The following XPOT variants were observed in gnomAD, a reference collection of about 807,000 sequenced individuals.
XPOT encodes the protein exportin for tRNA.
A neutral mutation model predicts 128.2 loss-of-function variants in XPOT; 34 were observed. The observed-to-expected ratio is 0.27, with a 90% confidence interval of 0.20 to 0.35. The LOEUF (loss-of-function observed/expected upper bound fraction) is 0.35, where lower values mean the gene tolerates loss of function less well. XPOT is among the 10% of genes least tolerant of loss of function. The pLI, the probability that XPOT is intolerant of heterozygous loss-of-function variation, is 1.00. For synonymous variants in XPOT, 348 were observed against 394.3 expected (o/e 0.88, Z 1.39); for missense variants, 838 against 1,125.3 (o/e 0.74, Z 3.65).
intron 14 of XPOT, 81 bp from the exon 15 acceptor site, chr12:64,425,734 G>A (rs1056471458): frequency 2.6e-5 from 36 of 1,381,400 alleles, no homozygotes; most frequent in Non-Finnish European, 3.6e-5. Flanking sequence ...GTAAAATTTG[G>A]TGTGAACAAA....
intron 22 of XPOT, among the ~76,000 whole-genome samples, chr12:64,436,605 G>C (rs900555936): frequency 6.6e-6 from 1 of 151,238 alleles, no homozygotes; most frequent in Non-Finnish European, 1.5e-5. Context: ...TTTTGTGGTA[G>C]GTTCTCCCTG....
chr12:64,416,681 C>G lies in XPOT; in HGVS notation c.144-17C>G. ...GTTCATATTCTGCTTATCTCATTTT[C>G]TTTTTTTCTTTTTCAGTGATGATCA... On this transcript the variant is annotated splice_polypyrimidine_tract_variant and intron_variant, in intron 3 of 24. Coordinates refer to ENST00000332707, the MANE Select transcript of XPOT (RefSeq NM_007235.6). 6.2e-7 allele frequency: 1 copy of G among 1,603,594 alleles called. No homozygotes were observed. The highest frequency in any genetic ancestry group is 1.1e-5 in the South Asian group (1 of 90,558).
chr12:64,408,967 C>G (rs899177221), intron 1 of XPOT, among the ~76,000 whole-genome samples: 2 of 152,066 alleles, frequency 1.3e-5, no homozygotes, highest in Admixed American at 6.6e-5. Context: ...GCCACTGTAG[C>G]TGGCTGGTTT....
intron 22 of XPOT, among the ~76,000 whole-genome samples, chr12:64,438,614 G>A (rs1357260204): frequency 8.6e-5 from 13 of 151,452 alleles, no homozygotes; most frequent in Admixed American, 8.6e-4. Flanking sequence ...AGTACATCGA[G>A]GAGAGATACA....
intron 1 of XPOT, among the ~76,000 whole-genome samples, chr12:64,405,528 A>G (rs1245898927): frequency 2.0e-5 from 3 of 152,248 alleles, no homozygotes; most frequent in Non-Finnish European, 4.4e-5. Flanking sequence ...AGGAAAAGTT[A>G]AGGCTTAATA....
chr12:64,429,312 G>A (rs187097264), intron 16 of XPOT, among the ~76,000 whole-genome samples: 1 of 152,264 alleles, frequency 6.6e-6, no homozygotes, highest in African/African-American at 2.4e-5. Flanking sequence ...CCAACACTGA[G>A]GGCAGGTCTT....
intron 23 of XPOT, among the ~76,000 whole-genome samples, chr12:64,440,211 T>C (rs941628126): frequency 6.6e-6 from 1 of 152,222 alleles, no homozygotes; most frequent in Non-Finnish European, 1.5e-5. Context: ...CTAATATAAG[T>C]GGAATCATGC....
intron 23 of XPOT, chr12:64,443,395 A>G (rs9943713): frequency 0.9 from 136,620 of 152,246 alleles, 61,538 homozygotes; most frequent in Admixed American, 0.94. Flanking sequence ...TGGGTAGCAA[A>G]GACATTTTAA....
chr12:64,433,516 T>G lies in XPOT; in HGVS notation c.2365T>G (p.Leu789Val). 3 of 1,613,148 alleles carry G rather than the reference T, an allele frequency of 1.9e-6. No individual in the cohort carries two copies. Among genetic ancestry groups the G allele is most frequent in the Non-Finnish European group, 2.5e-6 (3 of 1,179,452 alleles). The change falls in exon 19 of 25, where the codon TTA (leucine) becomes GTA (valine). Residue 789 changes from leucine to valine, a missense_variant. By Grantham distance (32) the Leu-to-Val change is conservative. Transcript: ENST00000332707. ...AGAAGAAAATGACCAGTCTGCTGCT[T>G]TAGAGAAGCAGATGTTGCGGAGGAG... ...PAEENDQSAA[L>V]EKQMLRRSYF...
rs1362058918 is a variant in XPOT, at chr12:64,419,024, A to T, written c.419A>T (p.Asp140Val). ...SVVDLNPRGV[D>V]LYLRILMAID... ...GTGGACCTAAATCCAAGGGGAGTAG[A>T]TCTCTACCTGCGAATCCTCATGGCT... Residue 140 changes from aspartate to valine, a missense_variant, in exon 6 of 25, where the codon GAT becomes GTT. Physicochemically the swap from Asp to Val is radical, Grantham distance 152 (BLOSUM62 -3). Transcript: ENST00000332707. The T allele has an allele frequency of 6.2e-7, 1 of 1,614,088 alleles. No individual in the cohort carries two copies. The highest frequency in any genetic ancestry group is 1.1e-5 in the South Asian group (1 of 91,082).
At chr12:64,443,565 C>G (rs1565805184) in intron 23 of XPOT, among the ~76,000 whole-genome samples, 1 of 152,156 alleles carries the variant, frequency 6.6e-6, no homozygotes. Context: ...AGCAATTCTT[C>G]CACCTCAACC....
chr12:64,411,194 A>G (rs2040035792), intron 2 of XPOT, among the ~76,000 whole-genome samples: 1 of 152,192 alleles, frequency 6.6e-6, no homozygotes, highest in African/African-American at 2.4e-5. Context: ...TTTAAAATCC[A>G]TGTCTTCTGT....
rs2040181633 is a variant in XPOT, at chr12:64,425,345, C to T, written c.1460C>T (p.Thr487Ile). Residue 487 changes from threonine (T) to isoleucine (I), a missense_variant, in exon 14 of 25, where the codon ACA becomes ATA. Physicochemically the swap from Thr to Ile is moderately conservative, Grantham distance 89 (BLOSUM62 -1). This residue lies in a region of XPOT where 761 missense variants were observed against 988.3 expected (regional missense o/e 0.77). Coordinates refer to ENST00000332707, the MANE Select transcript of XPOT (RefSeq NM_007235.6). ...AACTTTTTCCTGATCTAGCTGGTAA[C>T]ATCAGGAGTCAGTTCCTATCAGCAT... ...ALQDMMRTLV[T>I]SGVSSYQHTS... 1 of 1,612,724 alleles carries T rather than the reference C, an allele frequency of 6.2e-7. No homozygotes were observed. Among genetic ancestry groups the T allele is most frequent in the South Asian group, 1.1e-5 (1 of 90,948 alleles).
rs1222662372 is a variant in XPOT at position 64,419,022 on chromosome 12, A to G, written c.417A>G (p.Val139=). The change falls in exon 6 of 25, where the codon GTA becomes GTG. Residue 139 remains valine (V), a synonymous_variant. Coordinates refer to ENST00000332707, the MANE Select transcript of XPOT (RefSeq NM_007235.6). ...LSVVDLNPRG[V]DLYLRILMAI... is the part of the protein sequence containing the mutation. Reference sequence around the variant, plus strand: ...TAGTGGACCTAAATCCAAGGGGAGTAGATCTCTACCTGCGAATCCTCATGG... The same window carrying G: ...TAGTGGACCTAAATCCAAGGGGAGTGGATCTCTACCTGCGAATCCTCATGG... 1 of 1,614,142 alleles carries G rather than the reference A, an allele frequency of 6.2e-7. No individual in the cohort carries two copies. The highest frequency in any genetic ancestry group is 8.5e-7 in the Non-Finnish European group (1 of 1,180,032).
rs1484258050 is a variant in XPOT, at chr12:64,431,642, C to T, written c.2081C>T (p.Pro694Leu). 2.5e-6 allele frequency: 4 copies of T among 1,613,886 alleles called. No individual in the cohort carries two copies. The highest frequency in any genetic ancestry group is 3.4e-6 in the Non-Finnish European group (4 of 1,179,850). The change falls in exon 18 of 25, where the codon CCC becomes CTC. Residue 694 changes from proline to leucine, a missense_variant. By Grantham distance (98) the Pro-to-Leu change is moderately conservative (BLOSUM62 -3). Coordinates refer to ENST00000332707, the MANE Select transcript of XPOT (RefSeq NM_007235.6). ...LQTFLPALSC[P>L]LQKDILRSGV... ...ACATTCTTGCCAGCCCTCAGTTGTC[C>T]CTTACAAAAGGATATTCTCAGAAGT...
intron 22 of XPOT, among the ~76,000 whole-genome samples, chr12:64,437,503 T>C (rs1390745876): frequency 6.6e-6 from 1 of 152,142 alleles, no homozygotes; most frequent in Non-Finnish European, 1.5e-5. Flanking sequence ...AGATGTCACA[T>C]GGTGGATTTG....
chr12:64,413,538 C>A (rs1305776994), intron 2 of XPOT, among the ~76,000 whole-genome samples: 1 of 152,162 alleles, frequency 6.6e-6, no homozygotes, highest in African/African-American at 2.4e-5. Flanking sequence ...TTTCGTTATA[C>A]CATATATTTA....
At chr12:64,427,934 G>GAA in intron 15 of XPOT, 117 bp from the exon 16 acceptor site, 1 of 677,070 alleles carries the variant, frequency 1.5e-6, no homozygotes, top group East Asian at 2.7e-5. Flanking sequence ...ATCTTAATCA[G>GAA]AAGTGACTAG....
chr12:64,431,569 A>G lies in XPOT; in HGVS notation c.2008A>G (p.Thr670Ala). The change falls in exon 18 of 25, where the codon ACT (threonine) becomes GCT (alanine). Residue 670 changes from threonine (T) to alanine (A), a missense_variant. Around this residue, in one of 3 missense-constraint regions of XPOT, gnomAD observed 761 missense variants for 988.3 expected, o/e 0.77. Coordinates refer to ENST00000332707, the MANE Select transcript of XPOT (RefSeq NM_007235.6). The stretch of plus-strand genomic sequence containing the variant: ...CAGTAAAGCTTTCAGCAACAAACAG[A>G]CTGTGAAACAATGTGGCTGTTCCGA... Reference protein sequence around the residue: ...RTSKAFSNKQTVKQCGCSEVY... With the variant: ...RTSKAFSNKQAVKQCGCSEVY... 1 of 1,613,946 alleles carries G rather than the reference A, an allele frequency of 6.2e-7. No homozygotes were observed. Among genetic ancestry groups the G allele is most frequent in the Non-Finnish European group, 8.5e-7 (1 of 1,179,838 alleles).
Sources: gnomAD v4.1 joint callset for allele counts (sites outside exome capture counted in the v4.1 genomes callset) on GRCh38, gnomAD v4.1.1 for gene constraint, gnomAD v4.1.1 regional missense constraint, MANE v1.5 for transcripts, NCBI Gene and HGNC (gene_info 2026-07-23, HGNC 2026-07-21) for gene names.